The following ALOX15 variants were observed in gnomAD, a reference collection of about 807,000 sequenced individuals.
The protein encoded by ALOX15 is polyunsaturated fatty acid lipoxygenase ALOX15.
In ALOX15, 68 loss-of-function variants were observed where a neutral mutation model predicts 71.7. The observed-to-expected ratio is 0.95, with a 90% CI of 0.78 to 1.16. The LOEUF is 1.16. Ranked by LOEUF, ALOX15 falls within the 50% of genes most tolerant of loss-of-function variation. The pLI is 0.00. For synonymous variants in ALOX15, 346 were observed against 333.3 expected, an observed-to-expected ratio of 1.04 and a Z score of -0.42; for missense variants, 798 against 818.8, an observed-to-expected ratio of 0.97 and a Z score of 0.31.
chr17:4,640,416 T>G (rs1911278470), intron 1 of ALOX15, among the ~76,000 whole-genome samples: 1 of 144,460 alleles, frequency 6.9e-6, no homozygotes, highest in Non-Finnish European at 1.5e-5. Flanking sequence ...GCGACCGCAG[T>G]TTCCAGGCAC....
intron 4 of ALOX15, 62 bp downstream of exon 4, chr17:4,638,788 A>G: frequency 6.2e-7 from 1 of 1,613,308 alleles, no homozygotes; most frequent in Non-Finnish European, 8.5e-7. Context: ...GCAGCCCATA[A>G]GCCCCTTGGC....
At chr17:4,633,373 GA>G in intron 9 of ALOX15, 40 bp downstream of exon 9, 3 of 1,611,334 alleles carry the variant, frequency 1.9e-6, no homozygotes, top group East Asian at 2.2e-5. Flanking sequence ...TCCAGAGCTG[GA>G]AAAAAGACAG....
intron 1 of ALOX15, 86 bp downstream of exon 1, chr17:4,641,431 G>T: frequency 6.5e-7 from 1 of 1,533,818 alleles, no homozygotes; most frequent in Non-Finnish European, 8.8e-7. Flanking sequence ...TCGGCCAGAG[G>T]CCAACGGGGG....
At chr17:4,639,974 A>ACCCCCCCCCCC (rs56188609) in intron 1 of ALOX15, 2 of 111,884 alleles carry the variant, frequency 1.8e-5, no homozygotes, top group African/African-American at 3.8e-4. Context: ...CCGCTGTGCG[A>ACCCCCCCCCCC]CCCCCCACCC....
intron 4 of ALOX15, 56 bp from the exon 5 acceptor site, chr17:4,638,740 C>A: frequency 6.2e-7 from 1 of 1,613,022 alleles, no homozygotes; most frequent in South Asian, 1.1e-5. Context: ...TCTAACATGA[C>A]GACCACAGGC....
chr17:4,635,038 C>CA (rs1911049280), intron 8 of ALOX15, among the ~76,000 whole-genome samples: 1 of 151,944 alleles, frequency 6.6e-6, no homozygotes, highest in African/African-American at 2.4e-5. Flanking sequence ...ATTGTGCCCC[C>CA]ACTGAGAATG....
chr17:4,639,658 C>T (rs1354082788), intron 1 of ALOX15, 27 bp from the exon 2 acceptor site: 8 of 1,587,968 alleles, frequency 5.0e-6, no homozygotes, highest in Non-Finnish European at 6.9e-6. Flanking sequence ...AGGCTCAGCC[C>T]CGGTGGGGCC....
chr17:4,639,161 T>C, intron 2 of ALOX15, 29 bp from the exon 3 acceptor site: 1 of 1,612,892 alleles, frequency 6.2e-7, no homozygotes, highest in Non-Finnish European at 8.5e-7. Flanking sequence ...ACTTGGCCAG[T>C]GACTTTTGGT....
chr17:4,637,245 A>T lies in ALOX15; in HGVS notation c.821T>A (p.Phe274Tyr). ...ATCCAGCAGGGAGAAGTCAGCTTCG[A>T]ACAGTGTGCCTCCCTGGGTGGGGGA... ...LEKELEGGTL[F>Y]EADFSLLDGI... The change falls in exon 7 of 14, where the codon TTC becomes TAC. Residue 274 changes from phenylalanine to tyrosine, a missense_variant. Physicochemically the swap from Phe to Tyr is conservative, Grantham distance 22. Coordinates refer to ENST00000293761, the MANE Select transcript of ALOX15 (RefSeq NM_001140.5). 1 of 1,613,108 alleles carries T rather than the reference A, an allele frequency of 6.2e-7. No homozygotes were observed. The highest frequency in any genetic ancestry group is 1.7e-4 in the Middle Eastern group (1 of 6,056).
At chr17:4,632,474 G>A (rs1910947994) in intron 11 of ALOX15, among the ~76,000 whole-genome samples, 193 bp from the exon 12 acceptor site, 1 of 152,188 alleles carries the variant, frequency 6.6e-6, no homozygotes, top group Non-Finnish European at 1.5e-5. Context: ...ACTCAGTGGG[G>A]TGCTGCTGCT....
At chr17:4,637,381 T>C (rs1911134657) in intron 6 of ALOX15, 123 bp from the exon 7 acceptor site, 2 of 1,148,894 alleles carry the variant, frequency 1.7e-6, no homozygotes, top group Non-Finnish European at 2.4e-6. Flanking sequence ...TACCAGGTAA[T>C]GGATCATGTG....
intron 8 of ALOX15, 65 bp from the exon 9 acceptor site, chr17:4,633,565 A>C: frequency 7.2e-7 from 1 of 1,395,354 alleles, no homozygotes; most frequent in Admixed American, 1.7e-5. Flanking sequence ...GCAGGAAACA[A>C]GGGCTGACAG....
At chr17:4,638,725 G>A (rs372089530) in intron 4 of ALOX15, 41 bp from the exon 5 acceptor site, 43 of 1,613,306 alleles carry the variant, frequency 2.7e-5, no homozygotes, top group Admixed American at 8.3e-5. Flanking sequence ...GCATCATTCT[G>A]AGGCTCTAAC....
chr17:4,633,110 C>T, intron 10 of ALOX15, 36 bp downstream of exon 10: 1 of 1,609,138 alleles, frequency 6.2e-7, no homozygotes, highest in Non-Finnish European at 8.5e-7. Context: ...TCTCCACCCC[C>T]ACTTGCACCC....
chr17:4,635,462 G>C (rs543222773), intron 8 of ALOX15, among the ~76,000 whole-genome samples: 10 of 151,704 alleles, frequency 6.6e-5, no homozygotes, highest in African/African-American at 2.2e-4. Context: ...GTCTGGAAAA[G>C]ATCTTTTTAA....
chr17:4,632,113 C>G, intron 12 of ALOX15, 57 bp from the exon 13 acceptor site: 1 of 1,611,584 alleles, frequency 6.2e-7, no homozygotes, highest in Non-Finnish European at 8.5e-7. Context: ...GCCCCGTGGT[C>G]CACCTGCACA....
chr17:4,632,406 G>T, intron 11 of ALOX15, 125 bp from the exon 12 acceptor site: 1 of 789,340 alleles, frequency 1.3e-6, no homozygotes, highest in Non-Finnish European at 2.1e-6. Flanking sequence ...ACTCTTACAG[G>T]AATTACCATG....
At chr17:4,636,361 T>C (rs532105561) in intron 7 of ALOX15, among the ~76,000 whole-genome samples, 1 of 152,330 alleles carries the variant, frequency 6.6e-6, no homozygotes, top group East Asian at 1.9e-4. Context: ...GCCTGCTGGA[T>C]AATTTAAGTG....
Position 4,638,968 on chromosome 17 carries a change from C to G in ALOX15, c.424G>C (p.Gly142Arg). ...AGAATTAACCCGTCCTTCCAGTTTC[C>G]CCACCTGTGGGGCAGGAAGGAAATC... ...LEERRKLYRW[G>R]NWKDGLILNM... The change falls in exon 4 of 14, where the codon GGA (glycine) becomes CGA (arginine). Residue 142 changes from glycine (G) to arginine (R), a missense_variant. Physicochemically the swap from Gly to Arg is moderately radical, Grantham distance 125. Around this residue, in one of 3 missense-constraint regions of ALOX15, gnomAD observed 300 missense variants for 283.1 expected, o/e 1.06. Transcript: ENST00000293761. 6.2e-7 allele frequency: 1 copy of G among 1,614,230 alleles called. No individual in the cohort carries two copies.
Sources: gnomAD v4.1 joint callset for allele counts (sites outside exome capture counted in the v4.1 genomes callset) on GRCh38, gnomAD v4.1.1 for gene constraint, gnomAD v4.1.1 regional missense constraint, MANE v1.5 for transcripts, NCBI Gene and HGNC (gene_info 2026-07-23, HGNC 2026-07-21) for gene names.